The following TMEM132D variants were observed in gnomAD, a reference collection of about 807,000 sequenced individuals.
The protein encoded by TMEM132D is mature OL transmembrane protein.
In TMEM132D, 21 loss-of-function variants were observed where a neutral mutation model predicts 62.3. That is an observed-to-expected ratio of 0.34 (90% CI 0.24 to 0.49). The LOEUF (loss-of-function observed/expected upper bound fraction) is 0.49. TMEM132D is among the 20% of genes least tolerant of loss of function. The pLI, the probability that TMEM132D is intolerant of heterozygous loss-of-function variation, is 0.99. For synonymous variants in TMEM132D, 621 were observed against 575.6 expected, an observed-to-expected ratio of 1.08 and a Z score of -1.13; for missense variants, 1,346 against 1,402.8, an observed-to-expected ratio of 0.96 and a Z score of 0.65.
intron 3 of TMEM132D, among the ~76,000 whole-genome samples, chr12:129,382,421 A>T (rs1034154379): frequency 6.6e-6 from 1 of 152,198 alleles, no homozygotes; most frequent in African/African-American, 2.4e-5. Flanking sequence ...CAAAATAATA[A>T]TTGTTAGTTG....
chr12:129,886,370 G>C (rs1481339288), intron 1 of TMEM132D, among the ~76,000 whole-genome samples: 1 of 152,148 alleles, frequency 6.6e-6, no homozygotes, highest in Non-Finnish European at 1.5e-5. Context: ...GTGTGAGAGA[G>C]AGAAGACAGA....
chr12:129,308,406 G>T (rs561203976), intron 4 of TMEM132D, among the ~76,000 whole-genome samples: 2 of 152,158 alleles, frequency 1.3e-5, no homozygotes, highest in East Asian at 3.8e-4. Flanking sequence ...GATGTGAAAG[G>T]AATCTAATTT....
At chr12:129,331,186 A>G (rs1217170691) in intron 4 of TMEM132D, among the ~76,000 whole-genome samples, 2 of 152,206 alleles carry the variant, frequency 1.3e-5, no homozygotes, top group African/African-American at 2.4e-5. Context: ...CGTTTGAGAA[A>G]GAGCTCAGAA....
intron 3 of TMEM132D, among the ~76,000 whole-genome samples, chr12:129,503,299 T>C (rs568133444): frequency 7.2e-5 from 11 of 152,244 alleles, no homozygotes; most frequent in African/African-American, 2.6e-4. Flanking sequence ...CACAAAACTA[T>C]ATAAGAAGAT....
intron 5 of TMEM132D, among the ~76,000 whole-genome samples, chr12:129,151,450 T>G (rs115828878): frequency 0.025 from 3,860 of 152,278 alleles, 181 homozygotes; most frequent in African/African-American, 0.088. Flanking sequence ...TGACCCTCGG[T>G]GTCTCCGACA....
intron 4 of TMEM132D, among the ~76,000 whole-genome samples, chr12:129,268,287 T>C (rs1237374039): frequency 7.9e-5 from 12 of 152,316 alleles, no homozygotes; most frequent in Admixed American, 3.9e-4. Context: ...CCTACTCATC[T>C]GACAAAGGGC....
intron 7 of TMEM132D, among the ~76,000 whole-genome samples, chr12:129,081,509 A>G (rs1426843301): frequency 6.6e-6 from 1 of 152,136 alleles, no homozygotes; most frequent in East Asian, 1.9e-4. Context: ...CATGTTACCC[A>G]GGCTAATCGC....
chr12:129,229,190 T>A (rs1879568175), intron 4 of TMEM132D, among the ~76,000 whole-genome samples: 1 of 152,210 alleles, frequency 6.6e-6, no homozygotes, highest in Admixed American at 6.5e-5. Context: ...ACACTCAGCT[T>A]CGGGTGTAAC....
intron 2 of TMEM132D, among the ~76,000 whole-genome samples, chr12:129,642,376 T>C (rs1471515363): frequency 1.3e-5 from 2 of 152,238 alleles, no homozygotes; most frequent in African/African-American, 2.4e-5. Flanking sequence ...GGGTCCAGCA[T>C]GCATAGCATT....
chr12:129,304,497 C>G (rs1398448483), intron 4 of TMEM132D, among the ~76,000 whole-genome samples: 4 of 152,084 alleles, frequency 2.6e-5, no homozygotes, highest in Non-Finnish European at 5.9e-5. Flanking sequence ...CAATACCATG[C>G]AAAGTCCACA....
chr12:129,091,160 A>G (rs1874897036), intron 5 of TMEM132D, among the ~76,000 whole-genome samples: 1 of 152,166 alleles, frequency 6.6e-6, no homozygotes, highest in South Asian at 2.1e-4. Flanking sequence ...GACCTTACTT[A>G]TGCTCACCTG....
intron 3 of TMEM132D, among the ~76,000 whole-genome samples, chr12:129,419,152 C>T (rs1200271899): frequency 6.6e-6 from 1 of 151,594 alleles, no homozygotes; most frequent in Non-Finnish European, 1.5e-5. Flanking sequence ...AAAACTAATA[C>T]ACCCTATTTC....
At chr12:129,769,967 C>G (rs1346517071) in intron 1 of TMEM132D, among the ~76,000 whole-genome samples, 2 of 151,976 alleles carry the variant, frequency 1.3e-5, no homozygotes, top group Non-Finnish European at 2.9e-5. Context: ...CGTGCCACCA[C>G]ACCCGACGAA....
At chr12:129,788,094 G>T (rs1430345915) in intron 1 of TMEM132D, among the ~76,000 whole-genome samples, 1 of 152,204 alleles carries the variant, frequency 6.6e-6, no homozygotes, top group African/African-American at 2.4e-5. Flanking sequence ...GGAAACCAAG[G>T]CACTGAAATG....
intron 5 of TMEM132D, among the ~76,000 whole-genome samples, chr12:129,134,818 T>A (rs1035540890): frequency 6.6e-6 from 1 of 152,126 alleles, no homozygotes; most frequent in Non-Finnish European, 1.5e-5. Flanking sequence ...CTTCTTCTCC[T>A]AAAATAGATC....
chr12:129,464,585 T>C (rs1463590486), intron 3 of TMEM132D, among the ~76,000 whole-genome samples: 1 of 152,238 alleles, frequency 6.6e-6, no homozygotes, highest in Admixed American at 6.5e-5. Context: ...GGTTTTCTTC[T>C]AGGGTTTTTA....
At chr12:129,877,470 C>T (rs563826913) in intron 1 of TMEM132D, among the ~76,000 whole-genome samples, 25 of 152,324 alleles carry the variant, frequency 1.6e-4, no homozygotes, top group Middle Eastern at 3.4e-3. Flanking sequence ...CATCCTTAAA[C>T]GCGTAAAACA....
chr12:129,592,953 G>GGAGGAGGTTGAGGAGGAA (rs1241233732), intron 2 of TMEM132D, among the ~76,000 whole-genome samples: 1 of 152,146 alleles, frequency 6.6e-6, no homozygotes. Flanking sequence ...GCAATGAGGA[G>GGAGGAGGTTGAGGAGGAA]GAGGAGGTTG....
At position 129,274,614 on chromosome 12, in the gene TMEM132D, C is replaced by T. The variant is rs564929962; in HGVS notation, c.1299+63020G>A. ...ATTTTAACAATTATTTGGCCGGGTG[C>T]AGTGGTTCACGCCTGTAATCCCAGC... is the stretch of plus-strand genomic sequence containing the variant. On this transcript the variant is annotated intron_variant, in intron 4 of 8. Coordinates refer to ENST00000422113, the MANE Select transcript of TMEM132D (RefSeq NM_133448.3). Among the ~76,000 whole-genome samples, 6 of 152,296 alleles carry T rather than the reference C, an allele frequency of 3.9e-5. No homozygotes were observed. The South Asian group carries it at 1.2e-3, about 32-fold the overall frequency.
Sources: allele counts gnomAD v4.1 joint callset (sites outside exome capture counted in the v4.1 genomes callset), GRCh38; gene constraint gnomAD v4.1.1; transcripts MANE v1.5; gene names NCBI Gene and HGNC (gene_info 2026-07-23, HGNC 2026-07-21).